SLC2A13: variants seen among roughly 807,000 people sequenced by gnomAD.
SLC2A13 encodes the protein solute carrier family 2 member 13, also known as proton myo-inositol cotransporter.
A neutral mutation model predicts 64.4 loss-of-function variants in SLC2A13; 32 were observed. The observed-to-expected ratio is 0.50, with a 90% CI of 0.37 to 0.67. SLC2A13 has a LOEUF of 0.67. Among genes scored for constraint, SLC2A13 ranks in the 30% least tolerant of loss-of-function variants. The pLI is 0.00. For missense variants in SLC2A13, 743 were observed against 829.2 expected (o/e 0.90, Z 1.28); for synonymous variants, 338 against 327.1 (o/e 1.03, Z -0.36).
chr12:39,935,093 C>A (rs1945896234), intron 4 of SLC2A13, among the ~76,000 whole-genome samples: 1 of 152,244 alleles, frequency 6.6e-6, no homozygotes, highest in African/African-American at 2.4e-5. Flanking sequence ...GTGTTGAAAT[C>A]CAAATTAAAT....
chr12:40,059,363 T>C (rs192024873), intron 1 of SLC2A13, among the ~76,000 whole-genome samples: 7 of 152,282 alleles, frequency 4.6e-5, no homozygotes, highest in Admixed American at 3.9e-4. Flanking sequence ...GACATATAGA[T>C]AGATAAAACA....
intron 4 of SLC2A13, among the ~76,000 whole-genome samples, chr12:39,923,638 G>C (rs1286647503): frequency 6.9e-6 from 1 of 145,024 alleles, no homozygotes; most frequent in Non-Finnish European, 1.5e-5. Flanking sequence ...GCTCAAGAAT[G>C]GTAAAATCAC....
At chr12:40,067,355 C>T (rs865983435) in intron 1 of SLC2A13, among the ~76,000 whole-genome samples, 57 of 152,154 alleles carry the variant, frequency 3.7e-4, no homozygotes, top group African/African-American at 1.3e-3. Flanking sequence ...TCACGTGCCA[C>T]CACGCCTGGC....
At chr12:39,828,090 T>C (rs1383226358) in intron 7 of SLC2A13, among the ~76,000 whole-genome samples, 1 of 152,144 alleles carries the variant, frequency 6.6e-6, no homozygotes, top group African/African-American at 2.4e-5. Flanking sequence ...TTATATATAC[T>C]GAATATTATT....
At position 40,033,238 on chromosome 12, in the gene SLC2A13, T is replaced by C. The variant is rs190934787; in HGVS notation, c.717-4729A>G. ...AATGTTTATTGTAAGTCAAGCTATA[T>C]TAACTGTTCAATAATTACTTGATAA... On this transcript the variant is annotated intron_variant, in intron 2 of 9. Transcript: ENST00000280871. 2.2e-4 allele frequency among the ~76,000 whole-genome samples: 34 copies of C among 152,358 alleles called. No homozygotes were observed. The East Asian group carries it at 6.5e-3, about 29-fold the overall frequency.
chr12:39,760,330 CT>C (rs572998232), intron 9 of SLC2A13, 78 bp from the exon 10 acceptor site: 181 of 1,330,390 alleles, frequency 1.4e-4, no homozygotes, highest in Admixed American at 2.8e-4. Flanking sequence ...TTGATTTTGA[CT>C]TTTTTTTTCT....
At chr12:39,834,476 T>A (rs935376706) in intron 6 of SLC2A13, among the ~76,000 whole-genome samples, 1 of 152,058 alleles carries the variant, frequency 6.6e-6, no homozygotes. Context: ...CTTCCCTTTA[T>A]CCTTTCAAAT....
intron 4 of SLC2A13, among the ~76,000 whole-genome samples, chr12:39,880,202 A>C (rs1159869569): frequency 4.6e-5 from 7 of 152,214 alleles, no homozygotes; most frequent in Non-Finnish European, 7.3e-5. Context: ...TAAGCCAAGT[A>C]AATCTCTTTT....
intron 4 of SLC2A13, among the ~76,000 whole-genome samples, chr12:39,927,705 C>T (rs1945752377): frequency 6.6e-6 from 1 of 152,078 alleles, no homozygotes; most frequent in Non-Finnish European, 1.5e-5. Context: ...TGGTTTATTT[C>T]ATATTCAGAA....
intron 4 of SLC2A13, among the ~76,000 whole-genome samples, chr12:39,943,031 C>T (rs964490667): frequency 2.6e-5 from 4 of 152,118 alleles, no homozygotes; most frequent in East Asian, 1.9e-4. Context: ...GCAGATCTGC[C>T]GGAGTTTGCT....
At chr12:39,773,777 C>A (rs1274908370) in intron 7 of SLC2A13, among the ~76,000 whole-genome samples, 1 of 152,176 alleles carries the variant, frequency 6.6e-6, no homozygotes, top group Non-Finnish European at 1.5e-5. Flanking sequence ...CTTCCAACTT[C>A]ATATATTGAG....
intron 6 of SLC2A13, among the ~76,000 whole-genome samples, chr12:39,848,910 C>G (rs1408328887): frequency 6.6e-6 from 1 of 152,094 alleles, no homozygotes; most frequent in Non-Finnish European, 1.5e-5. Flanking sequence ...CCTTAGCAAA[C>G]TAACACAGGA....
intron 4 of SLC2A13, among the ~76,000 whole-genome samples, chr12:39,878,460 G>A (rs1054347908): frequency 9.9e-5 from 15 of 152,212 alleles, no homozygotes; most frequent in Non-Finnish European, 2.1e-4. Context: ...ATTGGGAACT[G>A]TAGCAAAGGT....
chr12:39,790,577 C>T (rs1241160458), intron 7 of SLC2A13, among the ~76,000 whole-genome samples: 2 of 145,960 alleles, frequency 1.4e-5, no homozygotes, highest in Non-Finnish European at 3.0e-5. Context: ...GCATAGTATT[C>T]CATGGTGTAT....
At chr12:40,046,170 AG>A (rs546897838) in intron 2 of SLC2A13, among the ~76,000 whole-genome samples, 132 of 152,188 alleles carry the variant, frequency 8.7e-4, no homozygotes, top group Non-Finnish European at 1.7e-3. Context: ...TTTATAGAAA[AG>A]TGAAGCTCAG....
At chr12:39,797,058 T>C (rs886562291) in intron 7 of SLC2A13, among the ~76,000 whole-genome samples, 68 of 152,234 alleles carry the variant, frequency 4.5e-4, no homozygotes, top group Non-Finnish European at 8.8e-5. Context: ...AAAAGTACTA[T>C]TTGATAACTT....
chr12:40,011,914 T>C (rs1947538483), intron 3 of SLC2A13, among the ~76,000 whole-genome samples: 1 of 152,152 alleles, frequency 6.6e-6, no homozygotes, highest in African/African-American at 2.4e-5. Flanking sequence ...TGCAGGGCTC[T>C]GGGCAGCTGC....
chr12:39,765,251 A>G (rs1940305197), intron 7 of SLC2A13, among the ~76,000 whole-genome samples: 1 of 152,066 alleles, frequency 6.6e-6, no homozygotes, highest in South Asian at 2.1e-4. Context: ...TAAAATGGGG[A>G]TAATACTTTG....
At chr12:39,779,984 T>C (rs897016921) in intron 7 of SLC2A13, among the ~76,000 whole-genome samples, 1 of 152,234 alleles carries the variant, frequency 6.6e-6, no homozygotes. Context: ...TTTCAATCCA[T>C]TTTATAGCTG....
Sources: gnomAD v4.1 joint callset for allele counts (sites outside exome capture counted in the v4.1 genomes callset) on GRCh38, gnomAD v4.1.1 for gene constraint, MANE v1.5 for transcripts, NCBI Gene and HGNC (gene_info 2026-07-23, HGNC 2026-07-21) for gene names.